Variants in KCND2 observed in about 807,000 individuals in gnomAD.
The protein encoded by KCND2 is potassium voltage-gated channel subfamily D member 2, also known as A-type voltage-gated potassium channel KCND2.
KCND2 carries 16 observed loss-of-function variants against 54.4 expected under a neutral mutation model. The ratio of observed to expected loss-of-function variants is 0.29; its 90% CI spans 0.20 to 0.45. The LOEUF (loss-of-function observed/expected upper bound fraction) is 0.45. Among genes scored for constraint, KCND2 ranks in the 20% least tolerant of loss-of-function variants. The pLI, the probability that KCND2 is intolerant of heterozygous loss-of-function variation, is 1.00. For synonymous variants in KCND2, 317 were observed against 310.7 expected (o/e 1.02, Z -0.21); for missense variants, 486 against 824.2 (o/e 0.59, Z 5.02).
intron 1 of KCND2, among the ~76,000 whole-genome samples, chr7:120,492,382 A>G (rs1584800158): frequency 6.6e-6 from 1 of 152,084 alleles, no homozygotes; most frequent in East Asian, 1.9e-4. Context: ...TATAGTACAT[A>G]CATGTATGTA....
At position 120,678,384 on chromosome 7, in the gene KCND2, C is replaced by T. The variant is rs1212337037; in HGVS notation, c.1116-54519C>T. On this transcript the variant is annotated intron_variant, in intron 1 of 5. Transcript: ENST00000331113. ...ATATATATATATATACGCACACACA[C>T]ATATATAGACACATACACACATATA... Among the ~76,000 whole-genome samples, 1,007 of 132,832 alleles carry T rather than the reference C, an allele frequency of 7.6e-3. 6 individuals are homozygous for T. Among genetic ancestry groups the T allele is most frequent in the East Asian group, 0.036 (98 of 2,730 alleles). The allele number at this position is 132,832 out of a possible 152,430, so 87.1% of individuals were successfully genotyped here. A position where few individuals can be genotyped will look rare whatever the true frequency, so the allele number is the denominator to read the frequency against.
intron 1 of KCND2, among the ~76,000 whole-genome samples, chr7:120,550,075 T>C (rs1049119444): frequency 6.6e-6 from 1 of 151,956 alleles, no homozygotes; most frequent in Non-Finnish European, 1.5e-5. Context: ...GCTGCCTCTA[T>C]AGAGGGATTT....
At chr7:120,538,769 G>A (rs928427155) in intron 1 of KCND2, among the ~76,000 whole-genome samples, 2 of 152,156 alleles carry the variant, frequency 1.3e-5, no homozygotes, top group Non-Finnish European at 2.9e-5. Flanking sequence ...GCAGGAGGCC[G>A]ATATGGACCA....
At chr7:120,559,090 TG>T (rs1024984801) in intron 1 of KCND2, among the ~76,000 whole-genome samples, 2 of 151,994 alleles carry the variant, frequency 1.3e-5, no homozygotes, top group African/African-American at 4.8e-5. Flanking sequence ...AAGCAGTGGT[TG>T]AAAAAAATTG....
At chr7:120,671,718 A>G (rs1791995697) in intron 1 of KCND2, among the ~76,000 whole-genome samples, 1 of 152,008 alleles carries the variant, frequency 6.6e-6, no homozygotes, top group African/African-American at 2.4e-5. Flanking sequence ...AAAACTAGAC[A>G]CAGCTTATAT....
rs1793040927 is a variant in KCND2 at position 120,749,008 on chromosome 7, T to C, written c.*1150T>C. 6.6e-6 allele frequency: 1 copy of C among 151,972 alleles called. No individual in the cohort carries two copies. The highest frequency in any genetic ancestry group is 1.5e-5 in the Non-Finnish European group (1 of 67,868). The allele number at this position is 151,972 out of a possible 1,614,324, so 9.4% of individuals were successfully genotyped here. A position where few individuals can be genotyped will look rare whatever the true frequency, so the allele number is the denominator to read the frequency against. The stretch of plus-strand genomic sequence containing the variant: ...TATAAATTATCTCTAACGTCTTTGT[T>C]GTTTATGGAAAAGCCCAGATACTGG... On this transcript the variant is annotated 3_prime_UTR_variant, in exon 6 of 6. Transcript: ENST00000331113.
intron 1 of KCND2, among the ~76,000 whole-genome samples, chr7:120,464,327 A>C (rs2116246731): frequency 6.6e-6 from 1 of 152,228 alleles, no homozygotes; most frequent in Middle Eastern, 3.4e-3. Context: ...TTTGTTCCTT[A>C]GATGTTATGT....
chr7:120,648,092 G>C (rs1392160700), intron 1 of KCND2, among the ~76,000 whole-genome samples: 1 of 152,060 alleles, frequency 6.6e-6, no homozygotes, highest in Non-Finnish European at 1.5e-5. Flanking sequence ...AGGTTTTTCT[G>C]TCCTCCTAAA....
At chr7:120,444,767 C>G (rs767187297) in intron 1 of KCND2, among the ~76,000 whole-genome samples, 1 of 152,068 alleles carries the variant, frequency 6.6e-6, no homozygotes, top group Non-Finnish European at 1.5e-5. Flanking sequence ...TACACTAAAA[C>G]TAACATGAAA....
rs921107726 is a variant in KCND2 at position 120,505,337 on chromosome 7, G to GA, written c.1116-227558dup. Among the ~76,000 whole-genome samples, 43 of 150,452 alleles carry GA rather than the reference G, an allele frequency of 2.9e-4. No individual in the cohort carries two copies. In the South Asian group the frequency reaches 5.0e-3, roughly 18 times the overall value. On this transcript the variant is annotated intron_variant, in intron 1 of 5. Transcript: ENST00000331113. Reference sequence around the variant, plus strand: ...GCAAATCTCAGGGCAGAGTACGAAGGAAAAAAAACAAGACGGAGAAACAGA... The same window carrying GA: ...GCAAATCTCAGGGCAGAGTACGAAGGAAAAAAAAACAAGACGGAGAAACAGA...
rs553308601 is a variant in KCND2 at position 120,440,464 on chromosome 7, A to T, written c.1115+164717A>T. ...GTCTCTGTACTTTGTTGATTGTTCT[A>T]TTTGCTGTGCAGAATCTTTTTAGTT... On this transcript the variant is annotated intron_variant, in intron 1 of 5. Transcript: ENST00000331113. Among the ~76,000 whole-genome samples the T allele has an allele frequency of 2.0e-5, 3 of 151,810 alleles. No individual in the cohort carries two copies. The South Asian group carries it at 6.2e-4, about 32-fold the overall frequency.
intron 1 of KCND2, among the ~76,000 whole-genome samples, chr7:120,284,805 G>A (rs1163474098): frequency 6.6e-6 from 1 of 152,126 alleles, no homozygotes; most frequent in Non-Finnish European, 1.5e-5. Context: ...ATACACTGGA[G>A]GGTTCCCCCA....
At chr7:120,336,533 T>C (rs1800155123) in intron 1 of KCND2, among the ~76,000 whole-genome samples, 1 of 152,146 alleles carries the variant, frequency 6.6e-6, no homozygotes, top group South Asian at 2.1e-4. Flanking sequence ...TATAGGGATG[T>C]AGATAGTAGC....
intron 1 of KCND2, among the ~76,000 whole-genome samples, chr7:120,566,041 A>G (rs1230287541): frequency 6.6e-6 from 1 of 152,202 alleles, no homozygotes; most frequent in East Asian, 1.9e-4. Flanking sequence ...GTTATCATAA[A>G]TAGAAACGAC....
At chr7:120,616,584 T>C (rs1793028512) in intron 1 of KCND2, among the ~76,000 whole-genome samples, 1 of 152,206 alleles carries the variant, frequency 6.6e-6, no homozygotes, top group Non-Finnish European at 1.5e-5. Flanking sequence ...ATACAGATCA[T>C]TATAAATTTG....
intron 1 of KCND2, among the ~76,000 whole-genome samples, chr7:120,671,382 A>G (rs1296273227): frequency 1.3e-5 from 2 of 152,026 alleles, no homozygotes; most frequent in African/African-American, 2.4e-5. Flanking sequence ...TAATGCTCAT[A>G]CGCCCGCTGC....
intron 1 of KCND2, among the ~76,000 whole-genome samples, chr7:120,507,478 C>T (rs2116325920): frequency 6.6e-6 from 1 of 152,032 alleles, no homozygotes; most frequent in African/African-American, 2.4e-5. Flanking sequence ...GGATAGATTT[C>T]TGGCAAATGG....
At chr7:120,514,662 A>C (rs1803170471) in intron 1 of KCND2, among the ~76,000 whole-genome samples, 1 of 151,972 alleles carries the variant, frequency 6.6e-6, no homozygotes, top group African/African-American at 2.4e-5. Context: ...CCTTTTTGGC[A>C]CTAGGGACTG....
intron 1 of KCND2, among the ~76,000 whole-genome samples, chr7:120,693,411 C>T (rs187940392): frequency 2.0e-5 from 3 of 152,136 alleles, no homozygotes; most frequent in Admixed American, 6.5e-5. Context: ...TGATCGTTCT[C>T]CCTCCTCAAG....
Sources: gnomAD v4.1 joint callset for allele counts (sites outside exome capture counted in the v4.1 genomes callset) on GRCh38, gnomAD v4.1.1 for gene constraint, MANE v1.5 for transcripts, NCBI Gene and HGNC (gene_info 2026-07-23, HGNC 2026-07-21) for gene names.